The following CLUAP1 variants were observed in gnomAD, a reference collection of about 807,000 sequenced individuals.
The protein encoded by CLUAP1 is clusterin-associated protein 1.
A neutral mutation model predicts 55.0 loss-of-function variants in CLUAP1; 50 were observed. That is an observed-to-expected ratio of 0.91 (90% CI 0.72 to 1.15). The LOEUF (loss-of-function observed/expected upper bound fraction) is 1.15. CLUAP1 is among the 50% of genes most tolerant of loss of function. CLUAP1 has a pLI of 0.00. For missense variants in CLUAP1, 530 were observed against 507.6 expected, an observed-to-expected ratio of 1.04 and a Z score of -0.42; for synonymous variants, 195 against 175.4, an observed-to-expected ratio of 1.11 and a Z score of -0.88.
At chr16:3,531,753 G>A (rs1038861674) in intron 10 of CLUAP1, among the ~76,000 whole-genome samples, 20 of 151,746 alleles carry the variant, frequency 1.3e-4, no homozygotes, top group African/African-American at 3.9e-4. Flanking sequence ...GCAACCAGAC[G>A]GTATGTATGG....
rs1017999259 is a variant in CLUAP1, at chr16:3,506,221, C to G, written c.135-110C>G. 6 of 847,822 alleles carry G rather than the reference C, an allele frequency of 7.1e-6. No homozygotes were observed. In the African/African-American group the frequency reaches 1.0e-4, roughly 14 times the overall value. 52.5% of individuals were successfully genotyped at this position (847,822 alleles called of 1,614,324 possible). A position where few individuals can be genotyped will look rare whatever the true frequency, so the allele number is the denominator to read the frequency against. The stretch of plus-strand genomic sequence containing the variant: ...TTGATCTCACTCTCCCACTTGGGGA[C>G]TTGGAGAGCGTTGTGTTCCAGACCC... On this transcript the variant is annotated intron_variant, in intron 2 of 11. Coordinates refer to ENST00000576634, the MANE Select transcript of CLUAP1 (RefSeq NM_015041.3).
chr16:3,531,323 A>G (rs1361918488), intron 10 of CLUAP1, among the ~76,000 whole-genome samples: 2 of 152,152 alleles, frequency 1.3e-5, no homozygotes, highest in Non-Finnish European at 1.5e-5. Context: ...GATCGAGACC[A>G]TCCTGGCTAA....
chr16:3,521,538 G>A (rs1051393388), intron 7 of CLUAP1, among the ~76,000 whole-genome samples: 7 of 151,374 alleles, frequency 4.6e-5, no homozygotes, highest in African/African-American at 1.7e-4. Context: ...GGATTCAAGC[G>A]ATTCTCCTGC....
At chr16:3,515,656 C>A in intron 6 of CLUAP1, 65 bp downstream of exon 6, 1 of 1,139,540 alleles carries the variant, frequency 8.8e-7, no homozygotes, top group Non-Finnish European at 1.3e-6. Context: ...TGATTTCTTG[C>A]CCATACAAGA....
chr16:3,530,501 T>C, intron 9 of CLUAP1, 67 bp from the exon 10 acceptor site: 3 of 1,114,500 alleles, frequency 2.7e-6, no homozygotes, highest in Non-Finnish European at 4.1e-6. Context: ...CAGACCTTAC[T>C]GGGCAGAGCT....
chr16:3,529,451 TTATTA>T lies in CLUAP1; in HGVS notation c.929-1113_929-1109del, dbSNP rs1439448859. 1.3e-3 allele frequency among the ~76,000 whole-genome samples: 74 copies of T among 57,010 alleles called. 1 individual carries two copies. Among genetic ancestry groups the T allele is most frequent in the South Asian group, 4.5e-3 (9 of 1,988 alleles). 37.4% of individuals were successfully genotyped at this position (57,010 alleles called of 152,430 possible). A position where few individuals can be genotyped will look rare whatever the true frequency, so the allele number is the denominator to read the frequency against. On this transcript the variant is annotated intron_variant, in intron 9 of 11. Transcript: ENST00000576634. ...TATATAATATATATTATATTATATA[TTATTA>T]TATATAATATATATTATATTATATA...
At chr16:3,529,724 A>ATTC (rs2038059023) in intron 9 of CLUAP1, among the ~76,000 whole-genome samples, 1 of 35,862 alleles carries the variant, frequency 2.8e-5, no homozygotes, top group African/African-American at 1.3e-4. Flanking sequence ...AATATTATAT[A>ATTC]TTATATATAT....
At chr16:3,512,345 T>A (rs1217950630) in intron 4 of CLUAP1, 38 bp from the exon 5 acceptor site, 3 of 1,493,734 alleles carry the variant, frequency 2.0e-6, no homozygotes, top group Admixed American at 1.7e-5. Context: ...AAAAAACATC[T>A]GTTGCTGAGG....
chr16:3,516,545 AGTCACAAAAAT>A (rs1272893470), intron 6 of CLUAP1, among the ~76,000 whole-genome samples: 3 of 152,184 alleles, frequency 2.0e-5, no homozygotes, highest in East Asian at 1.9e-4. Context: ...TGGAGAAAAA[AGTCACAAAAAT>A]GTCACAAAAA....
rs2038159148 is a variant in CLUAP1, at chr16:3,532,983, C to A, written c.1092+142C>A. On this transcript the variant is annotated intron_variant, in intron 11 of 11. Coordinates refer to ENST00000576634, the MANE Select transcript of CLUAP1 (RefSeq NM_015041.3). Reference sequence around the variant, plus strand: ...TGCCTCGATGCGTGGCAGGGTTTGGCCTCATGAGGCTCTGGACTCTTCGTT... The same window carrying A: ...TGCCTCGATGCGTGGCAGGGTTTGGACTCATGAGGCTCTGGACTCTTCGTT... 10 of 1,327,590 alleles carry A rather than the reference C, an allele frequency of 7.5e-6. No individual in the cohort carries two copies. The South Asian group carries it at 9.8e-5, about 13-fold the overall frequency. 82.2% of individuals were successfully genotyped at this position (1,327,590 alleles called of 1,614,324 possible). A position where few individuals can be genotyped will look rare whatever the true frequency, so the allele number is the denominator to read the frequency against.
chr16:3,509,626 C>T (rs1433766171), intron 4 of CLUAP1, among the ~76,000 whole-genome samples: 2 of 152,180 alleles, frequency 1.3e-5, no homozygotes, highest in African/African-American at 4.8e-5. Flanking sequence ...CCCAAGGCCT[C>T]AGAGCAGGAG....
At chr16:3,525,505 A>G (rs1277860880) in intron 8 of CLUAP1, among the ~76,000 whole-genome samples, 4 of 152,102 alleles carry the variant, frequency 2.6e-5, no homozygotes, top group African/African-American at 9.7e-5. Context: ...TAGAACAACA[A>G]TATATAAAGC....
intron 4 of CLUAP1, among the ~76,000 whole-genome samples, chr16:3,510,633 A>G (rs2037606780): frequency 6.6e-6 from 1 of 152,180 alleles, no homozygotes; most frequent in Non-Finnish European, 1.5e-5. Flanking sequence ...GCTGTACTCT[A>G]CGGGAACCAC....
At chr16:3,532,161 A>G (rs1056704959) in intron 10 of CLUAP1, among the ~76,000 whole-genome samples, 1 of 152,038 alleles carries the variant, frequency 6.6e-6, no homozygotes, top group Admixed American at 6.6e-5. Context: ...TTTAATGGCT[A>G]TGTCATATTC....
intron 4 of CLUAP1, among the ~76,000 whole-genome samples, chr16:3,511,579 C>T (rs1333231025): frequency 6.6e-6 from 1 of 152,174 alleles, no homozygotes; most frequent in Non-Finnish European, 1.5e-5. Context: ...GGATGTGTGT[C>T]CCTCAGGCTG....
chr16:3,524,162 C>T (rs1464746407), intron 8 of CLUAP1, among the ~76,000 whole-genome samples: 1 of 151,828 alleles, frequency 6.6e-6, no homozygotes, highest in Non-Finnish European at 1.5e-5. Flanking sequence ...ATTAGCTGGA[C>T]ATGGTGTTAC....
intron 9 of CLUAP1, among the ~76,000 whole-genome samples, chr16:3,527,505 A>G (rs2037968592): frequency 1.3e-5 from 2 of 152,060 alleles, no homozygotes; most frequent in African/African-American, 4.8e-5. Flanking sequence ...GTGTCAAGGA[A>G]AAACACCTGC....
rs1393564151 is a variant in CLUAP1 at position 3,529,647 on chromosome 16, ATAT to A, written c.929-914_929-912del. 1.1e-3 allele frequency among the ~76,000 whole-genome samples: 23 copies of A among 21,824 alleles called. 1 individual carries two copies. The highest frequency in any genetic ancestry group is 4.1e-3 in the African/African-American group (11 of 2,676). The allele number at this position is 21,824 out of a possible 152,430, so 14.3% of individuals were successfully genotyped here. A position where few individuals can be genotyped will look rare whatever the true frequency, so the allele number is the denominator to read the frequency against. On this transcript the variant is annotated intron_variant, in intron 9 of 11. Transcript: ENST00000576634. ...TATATTATATATTATTATATATTAT[ATAT>A]TATTATATATTATATATTATTATAT...
chr16:3,509,697 G>A (rs2037582394), intron 4 of CLUAP1, among the ~76,000 whole-genome samples: 1 of 152,236 alleles, frequency 6.6e-6, no homozygotes, highest in South Asian at 2.1e-4. Context: ...CGCAGGGTAC[G>A]TGAAACCACA....
Sources: allele counts gnomAD v4.1 joint callset (sites outside exome capture counted in the v4.1 genomes callset), GRCh38; gene constraint gnomAD v4.1.1; transcripts MANE v1.5; gene names NCBI Gene and HGNC (gene_info 2026-07-23, HGNC 2026-07-21).